The following AGBL4 variants were observed in gnomAD, a reference collection of about 807,000 sequenced individuals.
AGBL4 encodes cytosolic carboxypeptidase 6.
AGBL4 carries 58 observed loss-of-function variants against 66.4 expected under a neutral mutation model. The ratio of observed to expected loss-of-function variants is 0.87; its 90% confidence interval spans 0.71 to 1.09. The LOEUF (loss-of-function observed/expected upper bound fraction) is 1.09, where lower values mean the gene tolerates loss of function less well. Among genes scored for constraint, AGBL4 ranks in the 50% least tolerant of loss-of-function variants. The pLI, the probability that AGBL4 is intolerant of heterozygous loss-of-function variation, is 0.00. For missense variants in AGBL4, 579 were observed against 631.0 expected (o/e 0.92, Z 0.88); for synonymous variants, 234 against 222.9 (o/e 1.05, Z -0.44).
intron 4 of AGBL4, among the ~76,000 whole-genome samples, chr1:49,101,526 C>A (rs1437863501): frequency 2.0e-5 from 3 of 152,074 alleles, no homozygotes; most frequent in African/African-American, 4.8e-5. Context: ...ATATGTGAAC[C>A]TAATACATGG....
At chr1:49,926,696 T>C (rs917746337) in intron 1 of AGBL4, among the ~76,000 whole-genome samples, 2 of 151,832 alleles carry the variant, frequency 1.3e-5, no homozygotes, top group Non-Finnish European at 2.9e-5. Flanking sequence ...AACAAAGAGA[T>C]TGAAATAATT....
chr1:48,979,442 C>T (rs1452535053), intron 5 of AGBL4, among the ~76,000 whole-genome samples: 1 of 151,606 alleles, frequency 6.6e-6, no homozygotes, highest in Admixed American at 6.6e-5. Context: ...GGGAGATAGA[C>T]ATTGATGAAA....
intron 2 of AGBL4, among the ~76,000 whole-genome samples, chr1:49,711,347 C>T (rs1354958691): frequency 2.5e-4 from 38 of 151,930 alleles, no homozygotes; most frequent in Admixed American, 2.5e-3. Flanking sequence ...AACCTAAATG[C>T]CTTTCAGTAG....
At chr1:49,923,022 G>GCAAAAA (rs1652415500) in intron 1 of AGBL4, among the ~76,000 whole-genome samples, 1 of 152,108 alleles carries the variant, frequency 6.6e-6, no homozygotes, top group Admixed American at 6.6e-5. Flanking sequence ...ACAATCCTAA[G>GCAAAAA]CAAAAACAAC....
At chr1:49,597,803 T>G (rs1412482882) in intron 3 of AGBL4, among the ~76,000 whole-genome samples, 1 of 152,226 alleles carries the variant, frequency 6.6e-6, no homozygotes, top group Non-Finnish European at 1.5e-5. Flanking sequence ...AGTTCACTCA[T>G]GATTTTGGCT....
chr1:50,004,057 G>T (rs12039592), intron 1 of AGBL4, among the ~76,000 whole-genome samples: 63,782 of 151,990 alleles, frequency 0.42, 15,856 homozygotes, highest in Non-Finnish European at 0.56. Flanking sequence ...GTCTTAAATT[G>T]CCTAAGCCAC....
At chr1:48,689,456 CCCT>C (rs1646593598) in intron 6 of AGBL4, among the ~76,000 whole-genome samples, 1 of 146,938 alleles carries the variant, frequency 6.8e-6, no homozygotes, top group Non-Finnish European at 1.5e-5. Context: ...CTCCCTCCCT[CCCT>C]CCTTCCTTCC....
intron 2 of AGBL4, among the ~76,000 whole-genome samples, chr1:49,827,965 CAA>C (rs1645554954): frequency 6.6e-6 from 1 of 152,108 alleles, no homozygotes; most frequent in Non-Finnish European, 1.5e-5. Flanking sequence ...AAATGTCTAA[CAA>C]AGAGTAAGTA....
intron 3 of AGBL4, among the ~76,000 whole-genome samples, chr1:49,395,941 C>T (rs867003966): frequency 1.3e-5 from 2 of 149,238 alleles, no homozygotes; most frequent in Non-Finnish European, 3.0e-5. Flanking sequence ...ATCCCCTTAC[C>T]CTCTCAACTG....
At chr1:49,230,876 C>A (rs1363948448) in intron 4 of AGBL4, among the ~76,000 whole-genome samples, 2 of 152,106 alleles carry the variant, frequency 1.3e-5, no homozygotes, top group Admixed American at 1.3e-4. Context: ...CCAGTTAAAT[C>A]ATTTTATTCT....
intron 3 of AGBL4, among the ~76,000 whole-genome samples, chr1:49,643,626 A>C (rs1288519679): frequency 6.6e-6 from 1 of 151,760 alleles, no homozygotes; most frequent in Admixed American, 6.6e-5. Flanking sequence ...TTTAAGAATG[A>C]AAGCAAACTG....
rs1350944931 is a variant in AGBL4 at position 48,705,709 on chromosome 1, A to G, written c.635-42468T>C. Among the ~76,000 whole-genome samples, 3 of 152,226 alleles carry G rather than the reference A, an allele frequency of 2.0e-5. No individual in the cohort carries two copies. The East Asian group carries it at 5.8e-4, about 29-fold the overall frequency. Reference sequence around the variant, plus strand: ...ATTACACAGTAATGTTAAAAATTAAACTTCCAAAATGTTTTAGGCACACCC... The same window carrying G: ...ATTACACAGTAATGTTAAAAATTAAGCTTCCAAAATGTTTTAGGCACACCC... On this transcript the variant is annotated intron_variant, in intron 6 of 13. Transcript: ENST00000371839.
In AGBL4 at chr1:48,764,329, C is replaced by T. The variant is rs527440296; in HGVS notation, c.635-101088G>A. Among the ~76,000 whole-genome samples the T allele has an allele frequency of 7.9e-5, 12 of 152,282 alleles. No homozygotes were observed. In the South Asian group the frequency reaches 2.3e-3, roughly 29 times the overall value. On this transcript the variant is annotated intron_variant, in intron 6 of 13. Coordinates refer to ENST00000371839, the MANE Select transcript of AGBL4 (RefSeq NM_032785.4). Reference sequence around the variant, plus strand: ...AATTGAAGTGAATAATTCCTACTCACGTTGCAGAACTGTGAAGATTACCAA... The same window carrying T: ...AATTGAAGTGAATAATTCCTACTCATGTTGCAGAACTGTGAAGATTACCAA...
rs1468273981 is a variant in AGBL4, at chr1:49,006,377, C to G, written c.594+39207G>C. The stretch of plus-strand genomic sequence containing the variant: ...CCCACACCTGGCTCGGAGGGTCCTA[C>G]GCCCACGGAGTCTTGCTGATTGCTA... On this transcript the variant is annotated intron_variant, in intron 5 of 13. Transcript: ENST00000371839. Among the ~76,000 whole-genome samples, 5 of 152,256 alleles carry G rather than the reference C, an allele frequency of 3.3e-5. No homozygotes were observed. The South Asian group carries it at 8.3e-4, about 25-fold the overall frequency.
At chr1:49,183,701 G>A (rs1646967988) in intron 4 of AGBL4, among the ~76,000 whole-genome samples, 1 of 152,116 alleles carries the variant, frequency 6.6e-6, no homozygotes, top group African/African-American at 2.4e-5. Flanking sequence ...TTACCCACTT[G>A]TGGTTTTCTG....
chr1:49,869,998 T>C lies in AGBL4; in HGVS notation c.35-18480A>G, dbSNP rs1225848004. ...CATAATAAATGAAATGATAAATGTT[T>C]GAGGTAATTGATATCCCAAACATTC... On this transcript the variant is annotated intron_variant, in intron 1 of 13. Transcript: ENST00000371839. Among the ~76,000 whole-genome samples, 3 of 152,288 alleles carry C rather than the reference T, an allele frequency of 2.0e-5. No homozygotes were observed. The East Asian group carries it at 5.8e-4, about 29-fold the overall frequency.
Position 48,919,746 on chromosome 1 carries a change from G to A in AGBL4, c.595-52516C>T, listed in dbSNP as rs867775998. 7.2e-4 allele frequency among the ~76,000 whole-genome samples: 110 copies of A among 152,244 alleles called. 1 individual carries two copies. Among genetic ancestry groups the A allele is most frequent in the African/African-American group, 2.6e-3 (106 of 41,554 alleles). ...GTAACACCCCCTCCTCTCAAGTGTT[G>A]ACAATCAAAAATGTCTCTAGACATT... On this transcript the variant is annotated intron_variant, in intron 5 of 13. Transcript: ENST00000371839.
At chr1:48,839,123 C>A (rs1646744137) in intron 6 of AGBL4, among the ~76,000 whole-genome samples, 1 of 152,020 alleles carries the variant, frequency 6.6e-6, no homozygotes, top group Non-Finnish European at 1.5e-5. Flanking sequence ...TAAGGAGGTT[C>A]TTCAAGAAAC....
chr1:49,699,501 A>G (rs1647047657), intron 2 of AGBL4, among the ~76,000 whole-genome samples: 1 of 152,080 alleles, frequency 6.6e-6, no homozygotes, highest in Admixed American at 6.6e-5. Flanking sequence ...TAGGACAAAT[A>G]TAACACAGAA....
Sources: gnomAD v4.1 joint callset for allele counts (sites outside exome capture counted in the v4.1 genomes callset) on GRCh38, gnomAD v4.1.1 for gene constraint, MANE v1.5 for transcripts, NCBI Gene and HGNC (gene_info 2026-07-23, HGNC 2026-07-21) for gene names.